Variants in RNF220 observed in about 807,000 individuals in gnomAD.
RNF220 encodes E3 ubiquitin-protein ligase RNF220.
Under a neutral mutation model 67.1 loss-of-function variants are expected in RNF220, and 7 were observed. That is an observed-to-expected ratio of 0.10 (90% CI 0.06 to 0.20). The LOEUF (loss-of-function observed/expected upper bound fraction) is 0.20, where lower values mean the gene tolerates loss of function less well. Ranked by LOEUF, RNF220 falls within the 10% of genes least tolerant of loss-of-function variation. The pLI is 1.00. For synonymous variants in RNF220, 270 were observed against 283.2 expected (o/e 0.95, Z 0.47); for missense variants, 565 against 740.3 (o/e 0.76, Z 2.75).
chr1:44,600,586 C>T lies in RNF220; in HGVS notation c.626-13579C>T, dbSNP rs1014960388. 2.2e-4 allele frequency among the ~76,000 whole-genome samples: 33 copies of T among 152,076 alleles called. No homozygotes were observed. Among genetic ancestry groups the T allele is most frequent in the African/African-American group, 7.7e-4 (32 of 41,386 alleles). ...CTGTAATCCCAGCACTTTGGGAGGCCGAGGTGGATGGATCACCTGAGGTCA... is the reference window on the plus strand; with the variant it reads ...CTGTAATCCCAGCACTTTGGGAGGCTGAGGTGGATGGATCACCTGAGGTCA... On this transcript the variant is annotated intron_variant, in intron 2 of 14. Coordinates refer to ENST00000361799, the MANE Select transcript of RNF220 (RefSeq NM_018150.4). This position sits in a 1 kb window ranked among gnomAD's most constrained non-coding sequence, Gnocchi z 4.0.
chr1:44,622,649 C>G lies in RNF220; in HGVS notation c.759-93C>G. On this transcript the variant is annotated intron_variant, in intron 3 of 14. Coordinates refer to ENST00000361799, the MANE Select transcript of RNF220 (RefSeq NM_018150.4). This position sits in a 1 kb window ranked among gnomAD's most constrained non-coding sequence, Gnocchi z 4.3. Reference sequence around the variant, plus strand: ...GCTGGGCTGGGCTAGGCGGTCTATGCCTTCTCTGTCTTTGGGGTCTTCTTG... The same window carrying G: ...GCTGGGCTGGGCTAGGCGGTCTATGGCTTCTCTGTCTTTGGGGTCTTCTTG... 8.6e-7 allele frequency: 1 copy of G among 1,156,354 alleles called. No homozygotes were observed. The allele number at this position is 1,156,354 out of a possible 1,614,324, so 71.6% of individuals were successfully genotyped here.
intron 2 of RNF220, among the ~76,000 whole-genome samples, chr1:44,571,843 C>T (rs1213352704): frequency 6.6e-6 from 1 of 152,180 alleles, no homozygotes; most frequent in Non-Finnish European, 1.5e-5. Context: ...TAAATGGCAC[C>T]ACAATCTTAA....
intron 2 of RNF220, among the ~76,000 whole-genome samples, chr1:44,465,105 G>T (rs889910566): frequency 4.6e-5 from 7 of 152,156 alleles, no homozygotes; most frequent in African/African-American, 1.7e-4. Flanking sequence ...AAAGAAAGGA[G>T]ATGGGGTTTC....
intron 9 of RNF220, 22 bp from the exon 10 acceptor site, chr1:44,644,973 T>A (rs1644595145): frequency 6.2e-7 from 1 of 1,612,826 alleles, no homozygotes; most frequent in African/African-American, 1.3e-5. Flanking sequence ...CTAGGATCCA[T>A]TGTCCTTGAC....
intron 2 of RNF220, among the ~76,000 whole-genome samples, chr1:44,560,610 G>A (rs994653618): frequency 1.3e-5 from 2 of 152,186 alleles, no homozygotes; most frequent in African/African-American, 2.4e-5. Flanking sequence ...TGCCCAGGCT[G>A]GAGTGCAATG....
At chr1:44,593,143 G>C (rs1332486541) in intron 2 of RNF220, among the ~76,000 whole-genome samples, 2 of 152,282 alleles carry the variant, frequency 1.3e-5, no homozygotes, top group East Asian at 1.9e-4. Context: ...GCCTGAGCCA[G>C]CCCACAGGGA....
intron 2 of RNF220, among the ~76,000 whole-genome samples, chr1:44,489,245 A>C (rs1656631937): frequency 6.6e-6 from 1 of 152,220 alleles, no homozygotes. Context: ...TGTACCGAAG[A>C]GGTAGGTAAG....
In RNF220 at chr1:44,650,102, A is replaced by G; in HGVS notation, c.1629+145A>G. The stretch of plus-strand genomic sequence containing the variant: ...AGGAGCCAGGATATTTACCCGCAGG[A>G]TATTTACCCCCAGGCTCGCTGCCTC... On this transcript the variant is annotated intron_variant, in intron 14 of 14. Coordinates refer to ENST00000361799, the MANE Select transcript of RNF220 (RefSeq NM_018150.4). This position sits in a 1 kb window ranked among gnomAD's most constrained non-coding sequence, Gnocchi z 4.3. 1 of 844,554 alleles carries G rather than the reference A, an allele frequency of 1.2e-6. No homozygotes were observed. The highest frequency in any genetic ancestry group is 2.6e-5 in the East Asian group (1 of 37,908). 52.3% of individuals were successfully genotyped at this position (844,554 alleles called of 1,614,324 possible).
intron 2 of RNF220, among the ~76,000 whole-genome samples, chr1:44,477,207 T>C (rs998946365): frequency 6.6e-6 from 1 of 152,238 alleles, no homozygotes; most frequent in African/African-American, 2.4e-5. Flanking sequence ...AGCAGTCCAG[T>C]ATCCACCAGT....
intron 2 of RNF220, among the ~76,000 whole-genome samples, chr1:44,470,548 C>T (rs1318974104): frequency 6.6e-6 from 1 of 152,216 alleles, no homozygotes; most frequent in Non-Finnish European, 1.5e-5. Flanking sequence ...TCGCTTCTGT[C>T]ATTGTCTGTT....
intron 2 of RNF220, among the ~76,000 whole-genome samples, chr1:44,556,219 G>A (rs1663070056): frequency 6.7e-6 from 1 of 149,946 alleles, no homozygotes; most frequent in African/African-American, 2.5e-5. Context: ...TTTTTCAGTA[G>A]AGACAGGTTT....
At chr1:44,439,492 T>G (rs953913335) in intron 2 of RNF220, among the ~76,000 whole-genome samples, 6 of 152,034 alleles carry the variant, frequency 3.9e-5, no homozygotes, top group Admixed American at 3.3e-4. Flanking sequence ...GTCTTGGTAC[T>G]TTAGGGTGGT....
intron 2 of RNF220, among the ~76,000 whole-genome samples, chr1:44,433,295 A>G (rs1302467232): frequency 6.6e-6 from 1 of 152,116 alleles, no homozygotes; most frequent in East Asian, 1.9e-4. Flanking sequence ...GAATTTGGAG[A>G]ACTTCCAGTT....
chr1:44,507,119 AG>A (rs1326753538), intron 2 of RNF220, among the ~76,000 whole-genome samples: 2 of 152,136 alleles, frequency 1.3e-5, no homozygotes, highest in African/African-American at 4.8e-5. Flanking sequence ...TCCATGGGGC[AG>A]GCATCAGGGC....
chr1:44,628,177 G>C (rs1458265081), intron 5 of RNF220, among the ~76,000 whole-genome samples: 1 of 152,366 alleles, frequency 6.6e-6, no homozygotes, highest in Middle Eastern at 3.4e-3. Context: ...CAGAGGAATA[G>C]ACAGCCCCAC....
chr1:44,470,051 T>A (rs768903099), intron 2 of RNF220, among the ~76,000 whole-genome samples: 5 of 148,230 alleles, frequency 3.4e-5, no homozygotes, highest in Non-Finnish European at 6.1e-5. Context: ...GAGTAGAGAA[T>A]GCATTGCAGG....
At chr1:44,613,310 C>A (rs561258347) in intron 2 of RNF220, among the ~76,000 whole-genome samples, 10 of 150,174 alleles carry the variant, frequency 6.7e-5, no homozygotes, top group Non-Finnish European at 1.3e-4. Context: ...ATTAATAGGG[C>A]TCCCCAACCC....
intron 2 of RNF220, among the ~76,000 whole-genome samples, chr1:44,444,450 C>CT (rs1651873034): frequency 1.3e-5 from 2 of 151,312 alleles, no homozygotes; most frequent in Admixed American, 6.6e-5. Flanking sequence ...TTCTTTCTTT[C>CT]TTTTTTTTGA....
At chr1:44,520,085 T>TTTG (rs1275270439) in intron 2 of RNF220, among the ~76,000 whole-genome samples, 1 of 106,386 alleles carries the variant, frequency 9.4e-6, no homozygotes, top group Non-Finnish European at 1.9e-5. Context: ...AAGTCCAGCA[T>TTTG]TGTGTGTGTG....
Sources: allele counts gnomAD v4.1 joint callset (sites outside exome capture counted in the v4.1 genomes callset), GRCh38; gene constraint gnomAD v4.1.1; non-coding constraint Gnocchi (gnomAD v3.1); transcripts MANE v1.5; gene names NCBI Gene and HGNC (gene_info 2026-07-23, HGNC 2026-07-21).